SPPL2A: variants seen among roughly 807,000 people sequenced by gnomAD.
The protein encoded by SPPL2A is signal peptide peptidase like 2A.
Under a neutral mutation model 63.8 loss-of-function variants are expected in SPPL2A, and 51 were observed. The observed-to-expected ratio is 0.80, with a 90% CI of 0.64 to 1.01. The LOEUF (loss-of-function observed/expected upper bound fraction) is 1.01, where lower values mean the gene tolerates loss of function less well. Among genes scored for constraint, SPPL2A ranks in the 50% least tolerant of loss-of-function variants. The pLI, the probability that SPPL2A is intolerant of heterozygous loss-of-function variation, is 0.00. For synonymous variants in SPPL2A, 188 were observed against 205.8 expected, an observed-to-expected ratio of 0.91 and a Z score of 0.74; for missense variants, 553 against 622.7, an observed-to-expected ratio of 0.89 and a Z score of 1.19.
rs376948410 is a variant in SPPL2A, at chr15:50,703,325, C to CATATATATAT, written c.*4465_*4474dup. On this transcript the variant is annotated 3_prime_UTR_variant, in exon 15 of 15. Coordinates refer to ENST00000261854, the MANE Select transcript of SPPL2A (RefSeq NM_032802.4). ...GCCTAAATAAATTAGTTCATATATA[C>CATATATATAT]ATATATATATATATATATATACATA... The CATATATATAT allele has an allele frequency of 2.5e-4, 21 of 83,052 alleles. No homozygotes were observed. The highest frequency in any genetic ancestry group is 4.6e-4 in the African/African-American group (10 of 21,668). 5.1% of individuals were successfully genotyped at this position (83,052 alleles called of 1,614,324 possible).
intron 1 of SPPL2A, among the ~76,000 whole-genome samples, chr15:50,750,496 T>A (rs994554733): frequency 1.3e-5 from 2 of 152,336 alleles, no homozygotes; most frequent in African/African-American, 4.8e-5. Context: ...TTCTAAGTGC[T>A]ATCTTTGGAA....
intron 14 of SPPL2A, among the ~76,000 whole-genome samples, chr15:50,719,368 C>T (rs2062625802): frequency 6.6e-6 from 1 of 152,118 alleles, no homozygotes; most frequent in South Asian, 2.1e-4. Context: ...CCTCAGCCTC[C>T]CAAGTAGCTG....
chr15:50,762,999 T>C (rs1054921234), intron 1 of SPPL2A, among the ~76,000 whole-genome samples: 1 of 151,596 alleles, frequency 6.6e-6, no homozygotes, highest in Non-Finnish European at 1.5e-5. Flanking sequence ...CACCTGGACC[T>C]CTCAAAGTGC....
chr15:50,747,716 T>C (rs2062869755), intron 4 of SPPL2A, 88 bp from the exon 5 acceptor site: 4 of 908,064 alleles, frequency 4.4e-6, no homozygotes, highest in Non-Finnish European at 7.0e-6. Context: ...CACTCTGGAA[T>C]GGACATTATA....
chr15:50,747,222 C>G (rs1179782573), intron 5 of SPPL2A, among the ~76,000 whole-genome samples: 1 of 152,142 alleles, frequency 6.6e-6, no homozygotes, highest in Non-Finnish European at 1.5e-5. Context: ...TCTCCCATGA[C>G]CTTTCCTGGG....
chr15:50,726,167 A>G (rs1373777389), intron 11 of SPPL2A, 154 bp downstream of exon 11: 10 of 1,500,446 alleles, frequency 6.7e-6, no homozygotes, highest in Non-Finnish European at 9.0e-6. Context: ...AATAATTTAG[A>G]ATAACTAAGA....
intron 1 of SPPL2A, among the ~76,000 whole-genome samples, chr15:50,757,089 C>CTTTCTTTCTTTTTTTTTT (rs537107994): frequency 7.8e-6 from 1 of 128,374 alleles, no homozygotes; most frequent in African/African-American, 3.1e-5. Context: ...TAAATCCTTT[C>CTTTCTTTCTTTTTTTTTT]TTTTTTTTTT....
intron 1 of SPPL2A, among the ~76,000 whole-genome samples, chr15:50,756,602 G>C (rs1455843518): frequency 2.0e-5 from 3 of 151,706 alleles, no homozygotes; most frequent in Admixed American, 6.6e-5. Flanking sequence ...AGAGCTAAAA[G>C]GGGGTGGGCA....
intron 1 of SPPL2A, among the ~76,000 whole-genome samples, chr15:50,750,323 C>T (rs1051392031): frequency 6.6e-6 from 1 of 152,022 alleles, no homozygotes; most frequent in Non-Finnish European, 1.5e-5. Context: ...AGGCTGGTCT[C>T]GAATTCCTGA....
chr15:50,754,802 G>A (rs1596398107), intron 1 of SPPL2A, among the ~76,000 whole-genome samples: 1 of 152,138 alleles, frequency 6.6e-6, no homozygotes, highest in South Asian at 2.1e-4. Context: ...GACCAACATG[G>A]AGAAACCCTG....
intron 14 of SPPL2A, 121 bp from the exon 15 acceptor site, chr15:50,707,995 C>T (rs1596372474): frequency 3.1e-6 from 2 of 653,036 alleles, no homozygotes; most frequent in East Asian, 5.4e-5. Context: ...CTGAGCACTC[C>T]TTCTGGAGCA....
chr15:50,710,652 TATA>T (rs2062548669), intron 14 of SPPL2A, among the ~76,000 whole-genome samples: 1 of 152,222 alleles, frequency 6.6e-6, no homozygotes, highest in Non-Finnish European at 1.5e-5. Context: ...TCTGCTTGCT[TATA>T]ATTGAACCAA....
intron 14 of SPPL2A, among the ~76,000 whole-genome samples, chr15:50,714,950 G>T (rs1007163469): frequency 6.6e-6 from 1 of 150,836 alleles, no homozygotes; most frequent in Non-Finnish European, 1.5e-5. Flanking sequence ...ACCCCTCCCC[G>T]CCCAAAAAAT....
intron 10 of SPPL2A, among the ~76,000 whole-genome samples, chr15:50,729,771 C>A (rs1218821265): frequency 6.6e-6 from 1 of 152,070 alleles, no homozygotes; most frequent in African/African-American, 2.4e-5. Flanking sequence ...TGTCTTTATG[C>A]CATTATAGCA....
intron 8 of SPPL2A, 123 bp from the exon 9 acceptor site, chr15:50,732,807 AAGACAGATTCT>A (rs1372637841): frequency 1.5e-5 from 9 of 613,694 alleles, no homozygotes; most frequent in Non-Finnish European, 2.6e-5. Flanking sequence ...TTTTTTTTTT[AAGACAGATTCT>A]CACTCTGTCA....
intron 6 of SPPL2A, 49 bp from the exon 7 acceptor site, chr15:50,736,789 T>A: frequency 1.1e-6 from 1 of 900,392 alleles, no homozygotes; most frequent in African/African-American, 1.7e-5. Context: ...GGAAAGGTGA[T>A]AAGAAAATAT....
chr15:50,702,944 G>C lies in SPPL2A; in HGVS notation c.*4856C>G, dbSNP rs142509284. On this transcript the variant is annotated 3_prime_UTR_variant, in exon 15 of 15. Coordinates refer to ENST00000261854, the MANE Select transcript of SPPL2A (RefSeq NM_032802.4). ...GAAAATTCAGTAATCTAGCATATGA[G>C]TATTACAGTAGAGGATCAAATTCCA... is the stretch of plus-strand genomic sequence containing the variant. 5.9e-3 allele frequency: 903 copies of C among 152,072 alleles called. 14 individuals are homozygous for C. Among genetic ancestry groups the C allele is most frequent in the African/African-American group, 0.021 (868 of 41,462 alleles). 9.4% of individuals were successfully genotyped at this position (152,072 alleles called of 1,614,324 possible).
At chr15:50,745,612 A>G (rs917029581) in intron 5 of SPPL2A, among the ~76,000 whole-genome samples, 1 of 149,154 alleles carries the variant, frequency 6.7e-6, no homozygotes, top group Admixed American at 6.7e-5. Context: ...CAGTGGCACA[A>G]TCACAGCTCC....
At chr15:50,751,295 T>G (rs961396914) in intron 1 of SPPL2A, among the ~76,000 whole-genome samples, 27 of 152,244 alleles carry the variant, frequency 1.8e-4, no homozygotes, top group African/African-American at 5.5e-4. Flanking sequence ...GCTAGGTTAC[T>G]TTCATGCATT....
Sources: allele counts gnomAD v4.1 joint callset (sites outside exome capture counted in the v4.1 genomes callset), GRCh38; gene constraint gnomAD v4.1.1; transcripts MANE v1.5; gene names NCBI Gene and HGNC (gene_info 2026-07-23, HGNC 2026-07-21).